The following ZBED6 variants were observed in gnomAD, a reference collection of about 807,000 sequenced individuals.
ZBED6 encodes zinc finger BED domain-containing protein 6.
A neutral mutation model predicts 58.4 loss-of-function variants in ZBED6; 40 were observed. The ratio of observed to expected loss-of-function variants is 0.68; its 90% CI spans 0.53 to 0.89. The LOEUF is 0.89. Ranked by LOEUF, ZBED6 falls within the 40% of genes least tolerant of loss-of-function variation. The pLI, the probability that ZBED6 is intolerant of heterozygous loss-of-function variation, is 0.00. For missense variants in ZBED6, 1,057 were observed against 1,003.9 expected (o/e 1.05, Z -0.71); for synonymous variants, 439 against 350.6 (o/e 1.25, Z -2.82).
rs573625875 is a variant in ZBED6, at chr1:203,833,105, C to CA, written c.*3511-685dup. On this transcript the variant is annotated intron_variant, in intron 8 of 16. Transcript: ENST00000550078. ...AAAAATTAGGCTGGGTGTGGTGGCT[C>CA]ACGCCTGTAATCCCGGCACTTTGGG... Among the ~76,000 whole-genome samples, 20 of 151,596 alleles carry CA rather than the reference C, an allele frequency of 1.3e-4. No homozygotes were observed. In the South Asian group the frequency reaches 4.0e-3, roughly 30 times the overall value.
intron 11 of ZBED6, among the ~76,000 whole-genome samples, chr1:203,844,085 G>C (rs901819510): frequency 6.6e-6 from 1 of 152,074 alleles, no homozygotes; most frequent in Non-Finnish European, 1.5e-5. Flanking sequence ...TCGAACTCCC[G>C]ACCTCAGATG....
In ZBED6 at chr1:203,799,569, ACT is replaced by A. The variant is rs1669878119; in HGVS notation, c.2050_2051del (p.Leu684AsnfsTer6). The A allele has an allele frequency of 1.4e-6, 1 of 702,832 alleles. No homozygotes were observed. Among genetic ancestry groups the A allele is most frequent in the Non-Finnish European group, 2.6e-6 (1 of 385,024 alleles). 43.5% of individuals were successfully genotyped at this position (702,832 alleles called of 1,614,324 possible). ...AGTTGTGCTCACCTCCCTTCAGTGG[ACT>A]CTAATGACTTATGTTTGTGATATTC... On this transcript the variant is annotated frameshift_variant, in exon 1 of 17. Coordinates refer to ENST00000550078, the Ensembl canonical transcript of ZBED6. LOFTEE classifies it high-confidence loss of function.
rs75040727 is a variant in ZBED6 at position 203,806,748 on chromosome 1, T to C, written c.*2554+3732T>C. Among the ~76,000 whole-genome samples the C allele has an allele frequency of 6.2e-3, 941 of 152,184 alleles. 13 individuals carry two copies. The highest frequency in any genetic ancestry group is 0.042 in the East Asian group (218 of 5,178). The stretch of plus-strand genomic sequence containing the variant: ...TACCATATTGCATATGCTGATGATT[T>C]CTGGTGATTATGTGCATTTATGCTA... On this transcript the variant is annotated intron_variant, in intron 1 of 16. Transcript: ENST00000550078.
intron 3 of ZBED6, among the ~76,000 whole-genome samples, chr1:203,827,755 T>C (rs1681048617): frequency 6.6e-6 from 1 of 152,132 alleles, no homozygotes; most frequent in African/African-American, 2.4e-5. Flanking sequence ...GGTGCCTTAC[T>C]TTGAGAATTC....
chr1:203,805,764 C>G (rs536714053), intron 1 of ZBED6: 2 of 682,062 alleles, frequency 2.9e-6, no homozygotes, highest in South Asian at 2.7e-5. Context: ...GCTCATCACC[C>G]AGTGTATCCA....
chr1:203,833,242 C>T (rs1451441027), intron 8 of ZBED6, among the ~76,000 whole-genome samples: 1 of 151,994 alleles, frequency 6.6e-6, no homozygotes, highest in African/African-American at 2.4e-5. Context: ...GTGGTGCACG[C>T]CTGTAATCCC....
exon 1 of ZBED6, chr1:203,797,305 A>G: frequency 2.6e-6 from 1 of 390,510 alleles, no homozygotes; most frequent in Non-Finnish European, 4.5e-6. Context: ...ATTGGAAGGG[A>G]CCTTAAAGCC....
At chr1:203,830,772 G>A (rs900923198) in intron 7 of ZBED6, among the ~76,000 whole-genome samples, 7 of 152,022 alleles carry the variant, frequency 4.6e-5, no homozygotes, top group African/African-American at 1.7e-4. Flanking sequence ...TCGCACCATT[G>A]TATTCCAGCC....
chr1:203,797,524 T>A, exon 1 of ZBED6: 1 of 1,495,674 alleles, frequency 6.7e-7, no homozygotes, highest in Non-Finnish European at 8.8e-7. Flanking sequence ...ATAAAGAGAA[T>A]GAGTGTATGT....
intron 3 of ZBED6, among the ~76,000 whole-genome samples, chr1:203,825,904 C>A (rs1438474847): frequency 6.6e-6 from 1 of 152,030 alleles, no homozygotes; most frequent in Non-Finnish European, 1.5e-5. Context: ...CTTCGTTGCA[C>A]ATATATTACT....
intron 9 of ZBED6, 51 bp downstream of exon 9, chr1:203,833,904 A>G (rs757363007): frequency 6.4e-7 from 1 of 1,563,028 alleles, no homozygotes; most frequent in Admixed American, 1.9e-5. Context: ...TTGTGCATTA[A>G]CATGATAGCT....
At chr1:203,796,878 C>T (rs1022429116) in exon 1 of ZBED6, 22 of 156,544 alleles carry the variant, frequency 1.4e-4, no homozygotes, top group Admixed American at 4.5e-4. Context: ...GGTTGTATTA[C>T]TTTTAGTTAG....
At chr1:203,796,233 G>C in exon 1 of ZBED6, 2 of 393,108 alleles carry the variant, frequency 5.1e-6, no homozygotes. Flanking sequence ...GACCCTCACT[G>C]CCTAAATCAA....
Position 203,844,181 on chromosome 1 carries a change from T to G in ZBED6, c.*3742-3003T>G, listed in dbSNP as rs571799748. 1.8e-4 allele frequency among the ~76,000 whole-genome samples: 27 copies of G among 150,230 alleles called. No homozygotes were observed. In the East Asian group the frequency reaches 5.4e-3, roughly 30 times the overall value. On this transcript the variant is annotated intron_variant, in intron 11 of 16. Coordinates refer to ENST00000550078, the Ensembl canonical transcript of ZBED6. ...TTTATTTTTTATTTTTATTTTTGTT[T>G]GAGACAGAGTCTCACTCTCATCCAG...
At chr1:203,852,764 T>C (rs1446833567) in exon 17 of ZBED6, 4 of 270,092 alleles carry the variant, frequency 1.5e-5, no homozygotes, top group Non-Finnish European at 2.9e-5. Flanking sequence ...GTATTCTTTA[T>C]GTATTGTCTT....
chr1:203,840,156 C>T (rs1685649262), intron 10 of ZBED6, 150 bp from the exon 11 acceptor site: 3 of 685,978 alleles, frequency 4.4e-6, no homozygotes, highest in Non-Finnish European at 7.4e-6. Flanking sequence ...CCAGGCTGGC[C>T]TTGAAGTCCT....
At chr1:203,804,448 G>A (rs192655796) in intron 1 of ZBED6, among the ~76,000 whole-genome samples, 15 of 152,016 alleles carry the variant, frequency 9.9e-5, no homozygotes, top group Admixed American at 8.5e-4. Context: ...CACCACGCCC[G>A]GCCCTTCCTG....
chr1:203,847,105 G>A (rs1572356834), intron 11 of ZBED6, 79 bp from the exon 12 acceptor site: 1 of 1,493,160 alleles, frequency 6.7e-7, no homozygotes, highest in East Asian at 2.3e-5. Flanking sequence ...GGACTGTCTT[G>A]ATCCAAGAAT....
intron 12 of ZBED6, 106 bp from the exon 13 acceptor site, chr1:203,848,225 T>C (rs1688405111): frequency 1.1e-6 from 1 of 920,668 alleles, no homozygotes. Context: ...TGTAATTTTA[T>C]TTGTCCTGTC....
Sources: allele counts gnomAD v4.1 joint callset (sites outside exome capture counted in the v4.1 genomes callset), GRCh38; gene constraint gnomAD v4.1.1; transcripts MANE v1.5; gene names NCBI Gene and HGNC (gene_info 2026-07-23, HGNC 2026-07-21).